Variants in SLCO3A1 observed in about 807,000 individuals in gnomAD.
The protein encoded by SLCO3A1 is PGE1 transporter.
In SLCO3A1, 27 loss-of-function variants were observed where a neutral mutation model predicts 63.1. The observed-to-expected ratio is 0.43, with a 90% CI of 0.32 to 0.59. The LOEUF (loss-of-function observed/expected upper bound fraction) is 0.59. SLCO3A1 is among the 20% of genes least tolerant of loss of function. SLCO3A1 has a pLI of 0.09. For synonymous variants in SLCO3A1, 473 were observed against 409.9 expected (o/e 1.15, Z -1.86); for missense variants, 773 against 945.8 (o/e 0.82, Z 2.40).
chr15:92,005,586 G>C (rs2046303626), intron 2 of SLCO3A1, among the ~76,000 whole-genome samples: 1 of 152,180 alleles, frequency 6.6e-6, no homozygotes, highest in Non-Finnish European at 1.5e-5. Context: ...CCTGTGCTTT[G>C]CTGCTGCTTG....
intron 4 of SLCO3A1, among the ~76,000 whole-genome samples, chr15:92,118,809 A>G (rs150446932): frequency 6.7e-6 from 1 of 148,824 alleles, no homozygotes; most frequent in East Asian, 1.9e-4. Context: ...GGTGGAAACA[A>G]GTAAACTGCA....
chr15:92,081,541 A>G (rs1411546697), intron 2 of SLCO3A1, among the ~76,000 whole-genome samples: 1 of 151,840 alleles, frequency 6.6e-6, no homozygotes, highest in African/African-American at 2.4e-5. Context: ...TGGCTTTTAT[A>G]TTTTTAGTAG....
intron 2 of SLCO3A1, among the ~76,000 whole-genome samples, chr15:92,078,015 G>T (rs532439620): frequency 5.3e-5 from 8 of 152,262 alleles, no homozygotes; most frequent in Non-Finnish European, 1.2e-4. Context: ...GGGGTTGTGA[G>T]GATTACATTC....
intron 2 of SLCO3A1, among the ~76,000 whole-genome samples, chr15:92,055,503 G>A (rs1021075912): frequency 4.6e-5 from 7 of 151,728 alleles, no homozygotes; most frequent in African/African-American, 9.7e-5. Context: ...ACTTGTGTAG[G>A]TTTTTTTTCC....
chr15:92,146,962 G>A, intron 7 of SLCO3A1, 22 bp from the exon 8 acceptor site: 1 of 1,589,788 alleles, frequency 6.3e-7, no homozygotes, highest in Non-Finnish European at 8.6e-7. Flanking sequence ...CCAGATAAAA[G>A]GGCTGAACGC....
chr15:91,896,091 G>A (rs768450591), intron 1 of SLCO3A1, among the ~76,000 whole-genome samples: 5 of 152,050 alleles, frequency 3.3e-5, no homozygotes, highest in Admixed American at 6.5e-5. Flanking sequence ...TTCCATTTTC[G>A]CAATTACAGC....
chr15:91,969,840 A>G (rs902196603), intron 2 of SLCO3A1, among the ~76,000 whole-genome samples: 4 of 152,238 alleles, frequency 2.6e-5, no homozygotes, highest in Middle Eastern at 6.8e-3. Flanking sequence ...TGGTCCACAG[A>G]CCTAGAATGA....
chr15:91,880,734 A>G lies in SLCO3A1; in HGVS notation c.180+26646A>G, dbSNP rs540465408. ...TGCAGAGTGATATTGCCTAGTGTGGAGGTACTCCTGTTAGTTAACCGTTCA... is the reference window on the plus strand; with the variant it reads ...TGCAGAGTGATATTGCCTAGTGTGGGGGTACTCCTGTTAGTTAACCGTTCA... On this transcript the variant is annotated intron_variant, in intron 1 of 9. Coordinates refer to ENST00000318445, the MANE Select transcript of SLCO3A1 (RefSeq NM_013272.4). 3.9e-5 allele frequency among the ~76,000 whole-genome samples: 6 copies of G among 152,036 alleles called. No homozygotes were observed. In the South Asian group the frequency reaches 1.2e-3, roughly 32 times the overall value.
At chr15:91,984,136 T>C (rs1254247964) in intron 2 of SLCO3A1, among the ~76,000 whole-genome samples, 1 of 152,174 alleles carries the variant, frequency 6.6e-6, no homozygotes, top group Admixed American at 6.5e-5. Flanking sequence ...GGGTTTGTGC[T>C]TTCCTGTTTA....
At chr15:91,893,619 G>A (rs1374537241) in intron 1 of SLCO3A1, among the ~76,000 whole-genome samples, 1 of 152,140 alleles carries the variant, frequency 6.6e-6, no homozygotes, top group East Asian at 1.9e-4. Flanking sequence ...CACATTGGTG[G>A]TTAGGTTTCA....
intron 2 of SLCO3A1, among the ~76,000 whole-genome samples, chr15:92,053,684 G>GTTTTTTTT (rs1567092399): frequency 2.0e-4 from 3 of 14,914 alleles, no homozygotes; most frequent in Non-Finnish European, 2.9e-4. Flanking sequence ...TTGTTTTTTT[G>GTTTTTTTT]TTTGTTTGTT....
At chr15:92,023,933 T>C (rs1481982610) in intron 2 of SLCO3A1, among the ~76,000 whole-genome samples, 1 of 152,188 alleles carries the variant, frequency 6.6e-6, no homozygotes. Flanking sequence ...TTCCAGCTCA[T>C]AGTGGTGGCA....
chr15:92,059,753 C>T (rs1001019440), intron 2 of SLCO3A1, among the ~76,000 whole-genome samples: 3 of 152,200 alleles, frequency 2.0e-5, no homozygotes, highest in Non-Finnish European at 4.4e-5. Flanking sequence ...CCTGTGACCT[C>T]ATCAGACCAG....
At position 91,897,680 on chromosome 15, in the gene SLCO3A1, C is replaced by G. The variant is rs1387547449; in HGVS notation, c.181-18313C>G. ...CTGTCCTCTTGATAAAGTTAGTCTC[C>G]CTGGACAGTGGCGGCAGAGTGGATT... On this transcript the variant is annotated intron_variant, in intron 1 of 9. Coordinates refer to ENST00000318445, the MANE Select transcript of SLCO3A1 (RefSeq NM_013272.4). The surrounding 1 kb of genome is among the most constrained non-coding windows in gnomAD (Gnocchi z 4.7). Among the ~76,000 whole-genome samples, 2 of 152,136 alleles carry G rather than the reference C, an allele frequency of 1.3e-5. No individual in the cohort carries two copies. The highest frequency in any genetic ancestry group is 2.4e-5 in the African/African-American group (1 of 41,434).
intron 5 of SLCO3A1, among the ~76,000 whole-genome samples, chr15:92,125,306 G>A (rs1235799208): frequency 6.6e-6 from 1 of 152,114 alleles, no homozygotes; most frequent in African/African-American, 2.4e-5. Flanking sequence ...AATCAGAATG[G>A]AGCAAAACCA....
intron 3 of SLCO3A1, among the ~76,000 whole-genome samples, chr15:92,095,279 G>A (rs142415138): frequency 5.7e-4 from 87 of 152,278 alleles, no homozygotes; most frequent in African/African-American, 1.0e-3. Context: ...TAATTACATC[G>A]GCCTGGCAGA....
At chr15:91,977,851 G>A (rs996330815) in intron 2 of SLCO3A1, among the ~76,000 whole-genome samples, 2 of 152,150 alleles carry the variant, frequency 1.3e-5, no homozygotes, top group Non-Finnish European at 2.9e-5. Context: ...CTTTTTAATG[G>A]TTGAGATTAA....
At chr15:92,150,066 C>T (rs769939870) in intron 8 of SLCO3A1, among the ~76,000 whole-genome samples, 1 of 152,128 alleles carries the variant, frequency 6.6e-6, no homozygotes, top group African/African-American at 2.4e-5. Flanking sequence ...AGTCACGTCC[C>T]CATCGCTCAA....
intron 4 of SLCO3A1, among the ~76,000 whole-genome samples, chr15:92,105,004 C>T (rs1406799343): frequency 6.7e-6 from 1 of 148,502 alleles, no homozygotes; most frequent in Non-Finnish European, 1.5e-5. Flanking sequence ...GGTGTAATCA[C>T]ATCTGTAATC....
Sources: allele counts gnomAD v4.1 joint callset (sites outside exome capture counted in the v4.1 genomes callset), GRCh38; gene constraint gnomAD v4.1.1; non-coding constraint Gnocchi (gnomAD v3.1); transcripts MANE v1.5; gene names NCBI Gene and HGNC (gene_info 2026-07-23, HGNC 2026-07-21).